The following RHD variants were observed in gnomAD, a reference collection of about 807,000 sequenced individuals.
The protein encoded by RHD is Rh blood group D antigen.
In RHD, 16 loss-of-function variants were observed where a neutral mutation model predicts 45.5. The ratio of observed to expected loss-of-function variants is 0.35; its 90% CI spans 0.24 to 0.53. The LOEUF (loss-of-function observed/expected upper bound fraction) is 0.53. Among genes scored for constraint, RHD ranks in the 20% least tolerant of loss-of-function variants. RHD has a pLI of 0.92. For synonymous variants in RHD, 131 were observed against 217.5 expected, an observed-to-expected ratio of 0.60 and a Z score of 3.50; for missense variants, 306 against 532.0, an observed-to-expected ratio of 0.58 and a Z score of 4.18.
In RHD at chr1:25,301,957, A is replaced by G. The variant is rs547369345; in HGVS notation, c.801+271A>G. On this transcript the variant is annotated intron_variant, in intron 5 of 9. Transcript: ENST00000328664. ...TGAAACAGACCTCAGTTTGAACCCC[A>G]TTTCTGCTAGTTGCTAAAGTCAGTC... is the stretch of plus-strand genomic sequence containing the variant. 9.4e-3 allele frequency among the ~76,000 whole-genome samples: 1,226 copies of G among 129,856 alleles called. 94 individuals are homozygous for G. The highest frequency in any genetic ancestry group is 0.013 in the Non-Finnish European group (712 of 54,516). 85.2% of individuals were successfully genotyped at this position (129,856 alleles called of 152,430 possible).
chr1:25,316,038 G>A lies in RHD; in HGVS notation c.1074-962G>A, dbSNP rs1446997982. ...CCTGTTGAGACAAGAAACAGGAAAG[G>A]CTTAAAAAACTGGCTTGTTATGTAC... On this transcript the variant is annotated intron_variant, in intron 7 of 9. Coordinates refer to ENST00000328664, the MANE Select transcript of RHD (RefSeq NM_016124.6). 1.5e-5 allele frequency among the ~76,000 whole-genome samples: 2 copies of A among 131,036 alleles called. 1 individual carries two copies. The highest frequency in any genetic ancestry group is 3.6e-5 in the Non-Finnish European group (2 of 55,480). 86.0% of individuals were successfully genotyped at this position (131,036 alleles called of 152,430 possible).
intron 7 of RHD, among the ~76,000 whole-genome samples, chr1:25,310,610 G>C (rs1644089561): frequency 7.6e-6 from 1 of 131,806 alleles, no homozygotes; most frequent in African/African-American, 2.6e-5. Context: ...AGTGGCTTTG[G>C]AACTGGGTGA....
rs1232958185 is a variant in RHD, at chr1:25,281,857, C to G, written c.149-2716C>G. Among the ~76,000 whole-genome samples the G allele has an allele frequency of 2.3e-5, 3 of 132,708 alleles. 1 individual carries two copies. Among genetic ancestry groups the G allele is most frequent in the African/African-American group, 7.7e-5 (3 of 38,854 alleles). The allele number at this position is 132,708 out of a possible 152,430, so 87.1% of individuals were successfully genotyped here. ...TGATTTGGAAATGTCAGTGTCCTCC[C>G]TTGTCCTCTCTGGCAGACCCTGGGT... On this transcript the variant is annotated intron_variant, in intron 1 of 9. Coordinates refer to ENST00000328664, the MANE Select transcript of RHD (RefSeq NM_016124.6).
intron 6 of RHD, among the ~76,000 whole-genome samples, chr1:25,303,664 A>G: frequency 7.7e-6 from 1 of 130,138 alleles, no homozygotes; most frequent in Non-Finnish European, 1.8e-5. Flanking sequence ...AACCCATTTG[A>G]GCTTGCTTGG....
chr1:25,315,682 G>C lies in RHD; in HGVS notation c.1074-1318G>C, dbSNP rs1289357481. On this transcript the variant is annotated intron_variant, in intron 7 of 9. Transcript: ENST00000328664. ...CGGCTAATGTTTTGTATTTTTAGTAGAGAAGGGGTTTCACTGTGTTAGCCA... is the reference window on the plus strand; with the variant it reads ...CGGCTAATGTTTTGTATTTTTAGTACAGAAGGGGTTTCACTGTGTTAGCCA... Among the ~76,000 whole-genome samples, 4 of 127,792 alleles carry C rather than the reference G, an allele frequency of 3.1e-5. 1 individual carries two copies. Among genetic ancestry groups the C allele is most frequent in the African/African-American group, 1.1e-4 (4 of 37,144 alleles). The allele number at this position is 127,792 out of a possible 152,430, so 83.8% of individuals were successfully genotyped here.
At position 25,305,521 on chromosome 1, in the gene RHD, T is replaced by C. The variant is rs1439380383; in HGVS notation, c.940-1075T>C. Among the ~76,000 whole-genome samples the C allele has an allele frequency of 7.7e-5, 10 of 129,360 alleles. 1 individual carries two copies. The East Asian group carries it at 2.0e-3, about 25-fold the overall frequency. The allele number at this position is 129,360 out of a possible 152,430, so 84.9% of individuals were successfully genotyped here. ...AAGTGATTCTCCTACCTCAGCCTCC[T>C]GAGTAGCTGGGATTACAGGTGCCCA... On this transcript the variant is annotated intron_variant, in intron 6 of 9. Transcript: ENST00000328664.
chr1:25,298,034 C>T lies in RHD; in HGVS notation c.487-2912C>T, dbSNP rs530416759. On this transcript the variant is annotated intron_variant, in intron 3 of 9. Coordinates refer to ENST00000328664, the MANE Select transcript of RHD (RefSeq NM_016124.6). ...TTAGCGAAAAACGTGTCCCCTCCAC[C>T]CACCCATCCACCTCCACTTGTTCCT... is the stretch of plus-strand genomic sequence containing the variant. Among the ~76,000 whole-genome samples, 140 of 124,580 alleles carry T rather than the reference C, an allele frequency of 1.1e-3. 9 individuals carry two copies. The highest frequency in any genetic ancestry group is 0.011 in the Admixed American group (139 of 12,508). The allele number at this position is 124,580 out of a possible 152,430, so 81.7% of individuals were successfully genotyped here. A position where few individuals can be genotyped will look rare whatever the true frequency, so the allele number is the denominator to read the frequency against.
intron 7 of RHD, among the ~76,000 whole-genome samples, chr1:25,312,647 G>A (rs1342568137): frequency 1.6e-5 from 2 of 128,494 alleles, no homozygotes; most frequent in African/African-American, 5.3e-5. Flanking sequence ...CTACTCAGGA[G>A]GCTGAGGTGA....
intron 1 of RHD, among the ~76,000 whole-genome samples, chr1:25,279,110 TG>T (rs1342071015): frequency 7.9e-6 from 1 of 127,370 alleles, no homozygotes; most frequent in African/African-American, 2.7e-5. Context: ...CCCAAGGGGA[TG>T]GACTCAGAAG....
Position 25,315,193 on chromosome 1 carries a change from CCT to C in RHD, c.1074-1806_1074-1805del, listed in dbSNP as rs770042265. The stretch of plus-strand genomic sequence containing the variant: ...TTTTGCAAGGTCATGCATATGTCCC[CCT>C]GATTTTTTTCCTAAAAATCACTTAT... On this transcript the variant is annotated intron_variant, in intron 7 of 9. Coordinates refer to ENST00000328664, the MANE Select transcript of RHD (RefSeq NM_016124.6). 4.8e-4 allele frequency among the ~76,000 whole-genome samples: 62 copies of C among 129,894 alleles called. 14 individuals are homozygous for C. Among genetic ancestry groups the C allele is most frequent in the East Asian group, 7.9e-4 (4 of 5,062 alleles). The allele number at this position is 129,894 out of a possible 152,430, so 85.2% of individuals were successfully genotyped here.
intron 7 of RHD, chr1:25,306,998 G>C: frequency 2.5e-6 from 1 of 407,534 alleles, no homozygotes; most frequent in Non-Finnish European, 5.0e-6. Context: ...CACAAACACA[G>C]AGCAGGTCAA....
rs1304897666 is a variant in RHD, at chr1:25,307,669, G to A, written c.1073+940G>A. 1.2e-5 allele frequency: 16 copies of A among 1,293,736 alleles called. 3 individuals carry two copies. The highest frequency in any genetic ancestry group is 2.0e-4 in the Middle Eastern group (1 of 5,104). The allele number at this position is 1,293,736 out of a possible 1,614,324, so 80.1% of individuals were successfully genotyped here. ...AAGGTCACTCGGCTGGAACCTGGCT[G>A]TAAAAATGGCTGAAGCAGGTGATGA... On this transcript the variant is annotated intron_variant, in intron 7 of 9. Transcript: ENST00000328664.
rs551468218 is a variant in RHD at position 25,316,382 on chromosome 1, G to A, written c.1074-618G>A. ...TGTCTGTAATCCCAGCACTTTGGGA[G>A]GCCGAGGCGGGCAGATCACTTGAGG... is the stretch of plus-strand genomic sequence containing the variant. On this transcript the variant is annotated intron_variant, in intron 7 of 9. Transcript: ENST00000328664. Among the ~76,000 whole-genome samples, 45 of 129,622 alleles carry A rather than the reference G, an allele frequency of 3.5e-4. 3 individuals are homozygous for A. The highest frequency in any genetic ancestry group is 1.1e-3 in the African/African-American group (40 of 37,652). The allele number at this position is 129,622 out of a possible 152,430, so 85.0% of individuals were successfully genotyped here.
chr1:25,287,392 G>A (rs887415572), intron 2 of RHD, among the ~76,000 whole-genome samples: 1 of 135,420 alleles, frequency 7.4e-6, no homozygotes, highest in African/African-American at 2.5e-5. Context: ...CTCGCAGCCT[G>A]AGTGAACTCC....
Position 25,282,090 on chromosome 1 carries a change from T to G in RHD, c.149-2483T>G, listed in dbSNP as rs182686860. 2.6e-4 allele frequency among the ~76,000 whole-genome samples: 35 copies of G among 132,098 alleles called. 9 individuals carry two copies. Among genetic ancestry groups the G allele is most frequent in the East Asian group, 1.6e-3 (8 of 5,138 alleles). 86.7% of individuals were successfully genotyped at this position (132,098 alleles called of 152,430 possible). A position where few individuals can be genotyped will look rare whatever the true frequency, so the allele number is the denominator to read the frequency against. ...TTATTGAGCGTTCTCCATGTGCCAG[T>G]CACTGTACTAAACATTATTTCCTTT... is the stretch of plus-strand genomic sequence containing the variant. On this transcript the variant is annotated intron_variant, in intron 1 of 9. Transcript: ENST00000328664.
intron 7 of RHD, among the ~76,000 whole-genome samples, chr1:25,307,294 G>A (rs1190222193): frequency 7.6e-6 from 1 of 131,838 alleles, no homozygotes; most frequent in Non-Finnish European, 1.8e-5. Flanking sequence ...TGGGCCTCCA[G>A]ACCAGAGGTA....
chr1:25,295,757 C>CAAGAAAGG (rs1642880923), intron 3 of RHD, among the ~76,000 whole-genome samples: 1 of 103,528 alleles, frequency 9.7e-6, no homozygotes, highest in African/African-American at 3.2e-5. Flanking sequence ...GAGACCACAG[C>CAAGAAAGG]AAGAAAGGGA....
chr1:25,311,759 C>G (rs1159557423), intron 7 of RHD, among the ~76,000 whole-genome samples: 2 of 130,718 alleles, frequency 1.5e-5, no homozygotes, highest in African/African-American at 5.3e-5. Flanking sequence ...CCTCAGCCAT[C>G]CCAGCTGTGG....
chr1:25,295,780 ATCT>A (rs1328418820), intron 3 of RHD, among the ~76,000 whole-genome samples: 1 of 107,908 alleles, frequency 9.3e-6, no homozygotes, highest in African/African-American at 3.1e-5. Flanking sequence ...GTGTGATGGC[ATCT>A]TCTTCAAGGG....
Sources: allele counts gnomAD v4.1 joint callset (sites outside exome capture counted in the v4.1 genomes callset), GRCh38; gene constraint gnomAD v4.1.1; transcripts MANE v1.5; gene names NCBI Gene and HGNC (gene_info 2026-07-23, HGNC 2026-07-21).